Variants in METTL16 observed in about 807,000 individuals in gnomAD.
The protein encoded by METTL16 is methyltransferase 16, RNA N6-adenosine.
In METTL16, 19 loss-of-function variants were observed where a neutral mutation model predicts 57.9. The ratio of observed to expected loss-of-function variants is 0.33; its 90% confidence interval spans 0.23 to 0.48. METTL16 has a LOEUF of 0.48. Ranked by LOEUF, METTL16 falls within the 20% of genes least tolerant of loss-of-function variation. The pLI, the probability that METTL16 is intolerant of heterozygous loss-of-function variation, is 0.99. For synonymous variants in METTL16, 246 were observed against 255.6 expected (o/e 0.96, Z 0.36); for missense variants, 434 against 691.5 (o/e 0.63, Z 4.18).
chr17:2,503,311 A>G (rs1033077281), intron 1 of METTL16, among the ~76,000 whole-genome samples: 1 of 152,154 alleles, frequency 6.6e-6, no homozygotes, highest in Non-Finnish European at 1.5e-5. Context: ...AACAAAATAC[A>G]GTATATCCAT....
chr17:2,494,008 C>T (rs1348195690), intron 2 of METTL16, among the ~76,000 whole-genome samples: 1 of 152,138 alleles, frequency 6.6e-6, no homozygotes, highest in Non-Finnish European at 1.5e-5. Context: ...TTCCCTGTAA[C>T]AAGTCTTTTT....
At chr17:2,497,456 G>C (rs1229212950) in intron 2 of METTL16, among the ~76,000 whole-genome samples, 2 of 150,874 alleles carry the variant, frequency 1.3e-5, no homozygotes, top group Admixed American at 1.3e-4. Flanking sequence ...GAGATTACAG[G>C]CATATGCCAC....
chr17:2,489,086 G>A (rs1346542911), intron 2 of METTL16, among the ~76,000 whole-genome samples: 1 of 150,700 alleles, frequency 6.6e-6, no homozygotes, highest in South Asian at 2.1e-4. Flanking sequence ...ATTGTACCTC[G>A]ATCAATCAAG....
intron 3 of METTL16, chr17:2,475,152 C>G (rs2151568583): frequency 6.6e-6 from 1 of 152,250 alleles, no homozygotes; most frequent in Middle Eastern, 3.4e-3. Flanking sequence ...ATACTGCTTC[C>G]TCATTACGCA....
Position 2,503,233 on chromosome 17 carries a change from A to T in METTL16, c.1-902T>A, listed in dbSNP as rs2067502645. 2.0e-5 allele frequency among the ~76,000 whole-genome samples: 3 copies of T among 152,316 alleles called. No homozygotes were observed. The South Asian group carries it at 6.2e-4, about 32-fold the overall frequency. On this transcript the variant is annotated intron_variant, in intron 1 of 9. Coordinates refer to ENST00000263092, the MANE Select transcript of METTL16 (RefSeq NM_024086.4). ...CAGCAGATGAATGTGGACCAACAAA[A>T]TACAGTATATCCATACACTAAATAT...
rs534961450 is a variant in METTL16 at position 2,483,621 on chromosome 17, A to T, written c.129-5736T>A. Among the ~76,000 whole-genome samples, 16 of 152,336 alleles carry T rather than the reference A, an allele frequency of 1.1e-4. No individual in the cohort carries two copies. The South Asian group carries it at 3.3e-3, about 32-fold the overall frequency. On this transcript the variant is annotated intron_variant, in intron 2 of 9. Coordinates refer to ENST00000263092, the MANE Select transcript of METTL16 (RefSeq NM_024086.4). ...CACGAACACATTTCTGCTTTACTCA[A>T]TAGCACGCAATGGCCTCAATCAATT... is the stretch of plus-strand genomic sequence containing the variant.
intron 1 of METTL16, among the ~76,000 whole-genome samples, chr17:2,507,473 C>A (rs552899478): frequency 1.3e-5 from 2 of 150,518 alleles, no homozygotes; most frequent in Non-Finnish European, 3.0e-5. Context: ...GCCCCTCTGC[C>A]CGGACAGCCG....
chr17:2,502,544 C>T (rs929544545), intron 1 of METTL16, among the ~76,000 whole-genome samples: 4 of 151,804 alleles, frequency 2.6e-5, no homozygotes, highest in African/African-American at 4.8e-5. Flanking sequence ...GCCAAGTAGC[C>T]GAGCATGGTG....
chr17:2,424,185 C>T (rs988249046), intron 8 of METTL16: 1 of 149,896 alleles, frequency 6.7e-6, no homozygotes, highest in Non-Finnish European at 1.5e-5. Flanking sequence ...GGGATCTCGG[C>T]TCACTGCAAG....
intron 1 of METTL16, among the ~76,000 whole-genome samples, chr17:2,502,833 A>G (rs773338192): frequency 6.0e-4 from 92 of 152,336 alleles, no homozygotes; most frequent in Non-Finnish European, 1.2e-3. Context: ...GGTGAACATC[A>G]TTAGTCATCA....
Position 2,438,068 on chromosome 17 carries a change from T to C in METTL16, c.888+41A>G, listed in dbSNP as rs781281849. Reference sequence around the variant, plus strand: ...ACTTATGATGGACTGAAACCCACCATGTGCTGGCAGGTGGTGAAGCGGAGC... The same window carrying C: ...ACTTATGATGGACTGAAACCCACCACGTGCTGGCAGGTGGTGAAGCGGAGC... On this transcript the variant is annotated intron_variant, in intron 8 of 9. Transcript: ENST00000263092. The C allele has an allele frequency of 4.3e-6, 6 of 1,395,176 alleles. No homozygotes were observed. In the Admixed American group the frequency reaches 6.7e-5, roughly 16 times the overall value. The allele number at this position is 1,395,176 out of a possible 1,614,324, so 86.4% of individuals were successfully genotyped here. A position where few individuals can be genotyped will look rare whatever the true frequency, so the allele number is the denominator to read the frequency against.
chr17:2,451,134 T>C (rs2067066094), intron 6 of METTL16, among the ~76,000 whole-genome samples: 1 of 152,236 alleles, frequency 6.6e-6, no homozygotes, highest in South Asian at 2.1e-4. Context: ...ACAAATATTT[T>C]GTCTTCACTG....
Position 2,420,736 on chromosome 17 carries a change from A to G in METTL16, c.1057T>C (p.Leu353=). The G allele has an allele frequency of 3.1e-6, 5 of 1,613,112 alleles. No individual in the cohort carries two copies. Among genetic ancestry groups the G allele is most frequent in the Non-Finnish European group, 3.4e-6 (4 of 1,179,636 alleles). The change falls in exon 9 of 10, where the codon TTG becomes CTG. Residue 353 remains leucine (L), a synonymous_variant. Transcript: ENST00000263092. The surrounding 1 kb of genome is among the most constrained non-coding windows in gnomAD (Gnocchi z 5.4). ...TTWIEKILTD[L]KVQHKRVPCG... The stretch of plus-strand genomic sequence containing the variant: ...CAATATGGTTAAGCAGGTACCTTCA[A>G]ATCAGTGAGAATTTTTTCAATCCAT...
intron 8 of METTL16, among the ~76,000 whole-genome samples, chr17:2,421,645 A>G (rs909371086): frequency 1.3e-5 from 2 of 152,208 alleles, no homozygotes; most frequent in Non-Finnish European, 2.9e-5. Flanking sequence ...CCCTGGGGGC[A>G]CTGTGTTCTT....
At chr17:2,432,577 A>G (rs903284822) in intron 8 of METTL16, among the ~76,000 whole-genome samples, 2 of 152,180 alleles carry the variant, frequency 1.3e-5, no homozygotes, top group Non-Finnish European at 2.9e-5. Flanking sequence ...AAAATAAAAA[A>G]AAAAATTAAG....
intron 3 of METTL16, among the ~76,000 whole-genome samples, chr17:2,475,954 G>A (rs1238257407): frequency 6.6e-6 from 1 of 152,250 alleles, no homozygotes; most frequent in Non-Finnish European, 1.5e-5. Flanking sequence ...CAAACTAGCT[G>A]AGAAGCAGAA....
In METTL16 at chr17:2,501,925, G is replaced by A. The variant is rs142526213; in HGVS notation, c.128+279C>T. Among the ~76,000 whole-genome samples the A allele has an allele frequency of 2.5e-3, 381 of 151,734 alleles. 2 individuals carry two copies. The highest frequency in any genetic ancestry group is 8.8e-3 in the African/African-American group (365 of 41,366). ...GTTTTAGATCACAAAGAGCACAATC[G>A]TAAATCTCTGAAGTTACTCTGGGAT... On this transcript the variant is annotated intron_variant, in intron 2 of 9. Transcript: ENST00000263092.
chr17:2,495,904 T>C (rs1427513346), intron 2 of METTL16, among the ~76,000 whole-genome samples: 2 of 151,392 alleles, frequency 1.3e-5, no homozygotes, highest in Non-Finnish European at 2.9e-5. Flanking sequence ...AGGTCAGCAG[T>C]TTGAGATCAG....
At chr17:2,423,800 C>T (rs532394685) in intron 8 of METTL16, among the ~76,000 whole-genome samples, 59 of 152,050 alleles carry the variant, frequency 3.9e-4, no homozygotes, top group Admixed American at 1.8e-3. Context: ...AGCTGACCTG[C>T]GACACTCTTT....
Sources: gnomAD v4.1 joint callset for allele counts (sites outside exome capture counted in the v4.1 genomes callset) on GRCh38, gnomAD v4.1.1 for gene constraint, Gnocchi (gnomAD v3.1) non-coding constraint, MANE v1.5 for transcripts, NCBI Gene and HGNC (gene_info 2026-07-23, HGNC 2026-07-21) for gene names.